The following ADHFE1 variants were observed in gnomAD, a reference collection of about 807,000 sequenced individuals.
The protein encoded by ADHFE1 is hydroxyacid-oxoacid transhydrogenase, mitochondrial.
A neutral mutation model predicts 54.8 loss-of-function variants in ADHFE1; 37 were observed. The observed-to-expected ratio is 0.68, with a 90% CI of 0.52 to 0.89. ADHFE1 has a LOEUF of 0.89. Among genes scored for constraint, ADHFE1 ranks in the 40% least tolerant of loss-of-function variants. The pLI is 0.00. For missense variants in ADHFE1, 601 were observed against 591.2 expected (o/e 1.02, Z -0.17); for synonymous variants, 203 against 229.3 (o/e 0.89, Z 1.04).
intron 11 of ADHFE1, 63 bp downstream of exon 11, chr8:66,456,958 A>G: frequency 6.9e-7 from 1 of 1,454,592 alleles, no homozygotes. Context: ...CCATAAATAT[A>G]TTTGCCAATT....
intron 8 of ADHFE1, among the ~76,000 whole-genome samples, chr8:66,450,906 A>C (rs1387673030): frequency 1.3e-5 from 2 of 152,234 alleles, no homozygotes; most frequent in African/African-American, 4.8e-5. Flanking sequence ...ATTGGTCCAA[A>C]AAATATTATC....
intron 1 of ADHFE1, among the ~76,000 whole-genome samples, chr8:66,433,735 T>C (rs772031253): frequency 7.2e-5 from 11 of 152,256 alleles, no homozygotes; most frequent in Admixed American, 2.6e-4. Context: ...AAATGTCCCA[T>C]GACAAAAGAA....
intron 1 of ADHFE1, among the ~76,000 whole-genome samples, chr8:66,435,427 C>T (rs939970557): frequency 4.6e-5 from 7 of 152,076 alleles, no homozygotes; most frequent in Non-Finnish European, 8.8e-5. Context: ...GCTCTACCTT[C>T]GGTTCCTTAG....
intron 9 of ADHFE1, chr8:66,453,841 G>T: frequency 6.7e-7 from 1 of 1,490,850 alleles, no homozygotes; most frequent in Non-Finnish European, 9.0e-7. Flanking sequence ...AGCTGACAGC[G>T]TATTTATTAT....
At chr8:66,454,017 C>G (rs933639168) in intron 9 of ADHFE1, 42 bp from the exon 10 acceptor site, 2 of 1,602,766 alleles carry the variant, frequency 1.2e-6, no homozygotes, top group Admixed American at 1.7e-5. Flanking sequence ...TAGGAATTGC[C>G]AATGTTGATG....
intron 9 of ADHFE1, among the ~76,000 whole-genome samples, chr8:66,453,003 T>C (rs1313570901): frequency 1.3e-5 from 2 of 152,240 alleles, no homozygotes; most frequent in Non-Finnish European, 2.9e-5. Flanking sequence ...AGCCTTGGAA[T>C]TGCATTTGTA....
intron 3 of ADHFE1, among the ~76,000 whole-genome samples, chr8:66,443,264 ATTTTTTTTTTTTTTTTT>A (rs540464621): frequency 2.9e-4 from 25 of 86,094 alleles, no homozygotes; most frequent in Non-Finnish European, 3.9e-4. Context: ...TAGTCCAGGA[ATTTTTTTTTTTTTTTTT>A]TTTTTTTTTT....
At position 66,454,063 on chromosome 8, in the gene ADHFE1, G is replaced by T. The variant is rs1448629099; in HGVS notation, c.892G>T (p.Val298Phe). The change falls in exon 10 of 14, where the codon GTC (valine) becomes TTC (phenylalanine). Residue 298 changes from valine (V) to phenylalanine (F), a missense_variant. Physicochemically the swap from Val to Phe is conservative, Grantham distance 50 (BLOSUM62 -1). Coordinates refer to ENST00000396623, the MANE Select transcript of ADHFE1 (RefSeq NM_144650.3). ...AGGTATTTATATCATTCACAGGGCT[G>T]TCAGAAATCCCGATGATCTTGAAGC... is the stretch of plus-strand genomic sequence containing the variant. ...RIVAKYLKRAVRNPDDLEARS... is the reference protein window; with the variant it reads ...RIVAKYLKRAFRNPDDLEARS... 1 of 1,613,832 alleles carries T rather than the reference G, an allele frequency of 6.2e-7. No homozygotes were observed. Among genetic ancestry groups the T allele is most frequent in the East Asian group, 2.2e-5 (1 of 44,888 alleles).
At chr8:66,440,044 C>A (rs149451812) in intron 1 of ADHFE1, 118 bp from the exon 2 acceptor site, 18,753 of 1,000,186 alleles carry the variant, frequency 0.019, 263 homozygotes, top group Non-Finnish European at 0.024. Context: ...CTGCCAAGAA[C>A]TACCAATTTG....
At chr8:66,441,605 A>C (rs1022582202) in intron 2 of ADHFE1, among the ~76,000 whole-genome samples, 5 of 152,214 alleles carry the variant, frequency 3.3e-5, no homozygotes, top group African/African-American at 1.2e-4. Context: ...CAAGGATAAA[A>C]ATCTTTAATT....
intron 10 of ADHFE1, among the ~76,000 whole-genome samples, chr8:66,455,251 G>T (rs1338039155): frequency 6.6e-6 from 1 of 152,216 alleles, no homozygotes; most frequent in Non-Finnish European, 1.5e-5. Context: ...CCCACCTGCA[G>T]TGGGTGAAGA....
chr8:66,434,255 G>A (rs1805349898), intron 1 of ADHFE1, among the ~76,000 whole-genome samples: 1 of 152,206 alleles, frequency 6.6e-6, no homozygotes, highest in Non-Finnish European at 1.5e-5. Context: ...AGTGTTAGGA[G>A]GAAAATGGCA....
intron 12 of ADHFE1, 150 bp downstream of exon 12, chr8:66,457,316 C>CAAAA: frequency 4.8e-6 from 2 of 417,022 alleles, no homozygotes; most frequent in East Asian, 3.9e-5. Flanking sequence ...CCATCTCTAC[C>CAAAA]AAAAAAAAAA....
At chr8:66,458,160 A>C (rs114207857) in intron 12 of ADHFE1, among the ~76,000 whole-genome samples, 9 of 152,360 alleles carry the variant, frequency 5.9e-5, no homozygotes, top group African/African-American at 1.9e-4. Flanking sequence ...GTAGACTTGA[A>C]TATTTTATTA....
chr8:66,437,321 G>T (rs1805515894), intron 1 of ADHFE1, among the ~76,000 whole-genome samples: 1 of 152,190 alleles, frequency 6.6e-6, no homozygotes, highest in South Asian at 2.1e-4. Flanking sequence ...GAGAGGGGCT[G>T]CGATTTAGGG....
intron 13 of ADHFE1, among the ~76,000 whole-genome samples, chr8:66,465,959 T>A (rs914964029): frequency 7.2e-5 from 11 of 152,168 alleles, no homozygotes; most frequent in African/African-American, 2.2e-4. Flanking sequence ...CAATTTTTTT[T>A]AATTTTGTTG....
chr8:66,452,235 G>A, intron 9 of ADHFE1, 130 bp downstream of exon 9: 1 of 1,275,510 alleles, frequency 7.8e-7, no homozygotes, highest in Non-Finnish European at 1.1e-6. Flanking sequence ...TGGATGCGCA[G>A]AAGCCCCAGA....
chr8:66,458,896 A>G (rs1021114903), intron 12 of ADHFE1, among the ~76,000 whole-genome samples: 12 of 152,210 alleles, frequency 7.9e-5, no homozygotes, highest in Non-Finnish European at 1.3e-4. Context: ...TTAAAACTTC[A>G]TAAACTTCGT....
intron 12 of ADHFE1, among the ~76,000 whole-genome samples, chr8:66,457,486 A>T (rs1017240011): frequency 6.6e-6 from 1 of 151,668 alleles, no homozygotes; most frequent in African/African-American, 2.4e-5. Flanking sequence ...TCTCAAAAAA[A>T]AAAAAAAGAA....
Sources: gnomAD v4.1 joint callset for allele counts (sites outside exome capture counted in the v4.1 genomes callset) on GRCh38, gnomAD v4.1.1 for gene constraint, MANE v1.5 for transcripts, NCBI Gene and HGNC (gene_info 2026-07-23, HGNC 2026-07-21) for gene names.